Variants in SGCD observed in about 807,000 individuals in gnomAD.
The protein encoded by SGCD is delta-sarcoglycan.
Under a neutral mutation model 36.6 loss-of-function variants are expected in SGCD, and 18 were observed. The observed-to-expected ratio is 0.49, with a 90% CI of 0.34 to 0.73. SGCD has a LOEUF of 0.73. Ranked by LOEUF, SGCD falls within the 30% of genes least tolerant of loss-of-function variation. The pLI is 0.01. For synonymous variants in SGCD, 133 were observed against 130.6 expected (o/e 1.02, Z -0.12); for missense variants, 387 against 346.7 (o/e 1.12, Z -0.92).
intron 1 of SGCD, among the ~76,000 whole-genome samples, chr5:156,003,092 G>A (rs757287268): frequency 8.5e-5 from 13 of 152,102 alleles, no homozygotes; most frequent in South Asian, 2.1e-4. Flanking sequence ...CACTTACCTC[G>A]TAATTTTAGC....
rs1756629247 is a variant in SGCD, at chr5:155,911,460, A to G, written c.-282+41036A>G. ...GCCTCTGGGTGCAAATAAGTTCACA[A>G]TAGTATTTGTATTTCACACACTCTG... On this transcript the variant is annotated intron_variant, in intron 1 of 9. Coordinates refer to the SGCD transcript ENST00000517913. Among the ~76,000 whole-genome samples the G allele has an allele frequency of 2.0e-5, 3 of 152,072 alleles. 1 individual carries two copies. The Middle Eastern group carries it at 0.01, about 517-fold the overall frequency.
chr5:155,946,962 C>A (rs1400933610), intron 1 of SGCD, among the ~76,000 whole-genome samples: 1 of 152,124 alleles, frequency 6.6e-6, no homozygotes, highest in Non-Finnish European at 1.5e-5. Flanking sequence ...TAGAACCTGG[C>A]AGGAAAGATC....
intron 3 of SGCD, among the ~76,000 whole-genome samples, chr5:156,424,961 A>G (rs185743848): frequency 2.2e-4 from 34 of 152,198 alleles, no homozygotes; most frequent in African/African-American, 5.8e-4. Flanking sequence ...TGCCTGGGAT[A>G]TACCAAAATC....
chr5:155,990,627 C>G (rs1758412445), intron 1 of SGCD, among the ~76,000 whole-genome samples: 1 of 152,062 alleles, frequency 6.6e-6, no homozygotes, highest in South Asian at 2.1e-4. Context: ...TTTTTCTATC[C>G]TTTTAGCCCC....
At chr5:156,175,309 GA>G (rs1278997210) in intron 3 of SGCD, among the ~76,000 whole-genome samples, 1 of 151,722 alleles carries the variant, frequency 6.6e-6, no homozygotes, top group Non-Finnish European at 1.5e-5. Flanking sequence ...TTTGAATGTA[GA>G]AAAAAAGTAG....
chr5:155,820,336 T>C, the SGCD span, among the ~76,000 whole-genome samples: 3 of 152,110 alleles, frequency 2.0e-5, no homozygotes, highest in Admixed American at 1.3e-4. Context: ...GTCTTCAATC[T>C]ATAGAGGTGA....
intron 7 of SGCD, among the ~76,000 whole-genome samples, chr5:156,673,579 A>G (rs1309400086): frequency 2.0e-5 from 3 of 152,086 alleles, no homozygotes; most frequent in Non-Finnish European, 4.4e-5. Context: ...GTTAATGATA[A>G]TTTTCCTTGC....
chr5:156,440,839 A>C (rs769902055), intron 3 of SGCD, among the ~76,000 whole-genome samples: 17 of 152,090 alleles, frequency 1.1e-4, no homozygotes, highest in Non-Finnish European at 1.2e-4. Context: ...AGAATTCTTT[A>C]TATATTCTAG....
intron 3 of SGCD, among the ~76,000 whole-genome samples, chr5:156,402,133 C>G (rs993246978): frequency 6.6e-6 from 1 of 152,178 alleles, no homozygotes; most frequent in African/African-American, 2.4e-5. Flanking sequence ...TTCCATTGTA[C>G]GTAGACACAA....
the SGCD span, among the ~76,000 whole-genome samples, chr5:155,848,307 TA>T: frequency 6.6e-6 from 1 of 152,146 alleles, no homozygotes; most frequent in African/African-American, 2.4e-5. Flanking sequence ...CTTTCATGCT[TA>T]AAAACAAAGA....
At chr5:156,352,952 G>A (rs918606418) in intron 3 of SGCD, among the ~76,000 whole-genome samples, 6 of 152,174 alleles carry the variant, frequency 3.9e-5, no homozygotes, top group African/African-American at 1.4e-4. Flanking sequence ...AGTTGAATTT[G>A]TTCAGTGCAA....
chr5:155,900,716 G>T (rs375846197), intron 1 of SGCD, among the ~76,000 whole-genome samples: 6 of 152,010 alleles, frequency 3.9e-5, no homozygotes, highest in African/African-American at 1.4e-4. Context: ...TTCTCAAAAT[G>T]CAGGAGTAAG....
the SGCD span, among the ~76,000 whole-genome samples, chr5:155,745,460 TTC>T: frequency 9.9e-5 from 15 of 152,166 alleles, no homozygotes; most frequent in Non-Finnish European, 1.8e-4. Context: ...CCCTTTCTAT[TTC>T]TCTCTTTTTT....
chr5:156,195,078 G>T (rs4704991), intron 3 of SGCD, among the ~76,000 whole-genome samples: 46,986 of 152,018 alleles, frequency 0.31, 7,749 homozygotes, highest in East Asian at 0.6. Flanking sequence ...ATGTTCTTTA[G>T]GATGTATTTA....
the SGCD span, among the ~76,000 whole-genome samples, chr5:155,855,017 C>T: frequency 2.3e-4 from 35 of 152,204 alleles, no homozygotes; most frequent in African/African-American, 8.4e-4. Flanking sequence ...TTAAAGATGC[C>T]GCTTTCAACT....
chr5:156,267,510 G>A (rs1766032227), intron 3 of SGCD, among the ~76,000 whole-genome samples: 2 of 152,176 alleles, frequency 1.3e-5, no homozygotes. Context: ...AGGCTTTCTA[G>A]CGGTTTTTCG....
the SGCD span, among the ~76,000 whole-genome samples, chr5:155,812,285 A>G: frequency 6.6e-6 from 1 of 152,180 alleles, no homozygotes; most frequent in Non-Finnish European, 1.5e-5. Flanking sequence ...AGAGCTATGA[A>G]CATCTGCTTT....
chr5:156,595,219 A>G (rs1390011020), intron 6 of SGCD, among the ~76,000 whole-genome samples, 168 bp downstream of exon 6: 1 of 152,108 alleles, frequency 6.6e-6, no homozygotes, highest in African/African-American at 2.4e-5. Flanking sequence ...TAATTAAGTC[A>G]TGAGGGTTGA....
chr5:156,372,032 T>G (rs996805773), intron 3 of SGCD, among the ~76,000 whole-genome samples: 5 of 152,190 alleles, frequency 3.3e-5, no homozygotes, highest in African/African-American at 1.2e-4. Context: ...GTTCTCTTAT[T>G]TTAAAAACTG....
Sources: gnomAD v4.1 joint callset for allele counts (sites outside exome capture counted in the v4.1 genomes callset) on GRCh38, gnomAD v4.1.1 for gene constraint, MANE v1.5 for transcripts, NCBI Gene and HGNC (gene_info 2026-07-23, HGNC 2026-07-21) for gene names.